The following CELF2 variants were observed in gnomAD, a reference collection of about 807,000 sequenced individuals.
CELF2 encodes the protein CUGBP Elav-like family member 2.
CELF2 carries 8 observed loss-of-function variants against 62.6 expected under a neutral mutation model. The observed-to-expected ratio is 0.13, with a 90% CI of 0.07 to 0.23. The LOEUF (loss-of-function observed/expected upper bound fraction) is 0.23, where lower values mean the gene tolerates loss of function less well. Among genes scored for constraint, CELF2 ranks in the 10% least tolerant of loss-of-function variants. The pLI, the probability that CELF2 is intolerant of heterozygous loss-of-function variation, is 1.00. For missense variants in CELF2, 333 were observed against 671.0 expected (o/e 0.50, Z 5.56); for synonymous variants, 258 against 250.0 (o/e 1.03, Z -0.30).
At chr10:10,688,523 A>G in the CELF2 span, among the ~76,000 whole-genome samples, 5 of 152,340 alleles carry the variant, frequency 3.3e-5, no homozygotes, top group African/African-American at 1.2e-4. Context: ...CCAATTGAAT[A>G]GCTGATGCAT....
intron 1 of CELF2, among the ~76,000 whole-genome samples, chr10:11,153,713 G>A (rs1345348427): frequency 6.6e-6 from 1 of 152,202 alleles, no homozygotes; most frequent in African/African-American, 2.4e-5. Context: ...GATCTTATTT[G>A]GATCCAAGAA....
chr10:11,143,350 C>T (rs115013626), intron 1 of CELF2, among the ~76,000 whole-genome samples: 1,777 of 152,260 alleles, frequency 0.012, 29 homozygotes, highest in African/African-American at 0.04. Flanking sequence ...CCTTGAAATG[C>T]TAGAGACTTG....
the CELF2 span, among the ~76,000 whole-genome samples, chr10:10,509,860 G>C: frequency 2.0e-5 from 3 of 152,192 alleles, no homozygotes; most frequent in Non-Finnish European, 4.4e-5. Context: ...GGACTCAAAG[G>C]ATTAGGTGTT....
chr10:10,629,620 G>A, the CELF2 span, among the ~76,000 whole-genome samples: 5 of 151,820 alleles, frequency 3.3e-5, no homozygotes, highest in South Asian at 2.1e-4. Context: ...TTCTTTTTGG[G>A]TTACATAAAC....
At chr10:10,721,041 C>G in the CELF2 span, among the ~76,000 whole-genome samples, 1 of 152,228 alleles carries the variant, frequency 6.6e-6, no homozygotes, top group Non-Finnish European at 1.5e-5. Context: ...ATGTTTTAGT[C>G]AATTTGGTGT....
chr10:11,286,576 C>T (rs2091367246), intron 8 of CELF2, among the ~76,000 whole-genome samples: 1 of 152,212 alleles, frequency 6.6e-6, no homozygotes, highest in South Asian at 2.1e-4. Flanking sequence ...TGTTGGTCTG[C>T]AGTAGGGCCA....
intron 1 of CELF2, among the ~76,000 whole-genome samples, chr10:10,834,004 C>T (rs2058078652): frequency 6.6e-6 from 1 of 152,206 alleles, no homozygotes; most frequent in Non-Finnish European, 1.5e-5. Context: ...CATAAAGACA[C>T]TTGTACATGT....
rs74115808 is a variant in CELF2, at chr10:11,260,897, A to T, written c.538+3025A>T. Among the ~76,000 whole-genome samples, 2 of 152,144 alleles carry T rather than the reference A, an allele frequency of 1.3e-5. No individual in the cohort carries two copies. Among genetic ancestry groups the T allele is most frequent in the Non-Finnish European group, 2.9e-5 (2 of 68,024 alleles). On this transcript the variant is annotated intron_variant, in intron 5 of 12. Transcript: ENST00000633077. This position sits in a 1 kb window ranked among gnomAD's most constrained non-coding sequence, Gnocchi z 4.2. The stretch of plus-strand genomic sequence containing the variant: ...TCTTTCATGCTACCATTTTGCTTTC[A>T]TTAAAGAATTGCAGTTTTGAATCAA...
chr10:10,848,244 G>C (rs989797781), intron 1 of CELF2, among the ~76,000 whole-genome samples: 1 of 152,126 alleles, frequency 6.6e-6, no homozygotes, highest in East Asian at 1.9e-4. Context: ...AAAATCATGT[G>C]GTCTTGAATA....
In CELF2 at chr10:11,305,324, C is replaced by CATT. The variant is rs2094118744; in HGVS notation, c.977-8814_977-8812dup. ...TGCTGTATCCCTAAGTGGCAAAGGC[C>CATT]ATTGGCCTCCTTGTGGAGTCCTCAT... On this transcript the variant is annotated intron_variant, in intron 9 of 12. Coordinates refer to ENST00000633077, the MANE Select transcript of CELF2 (RefSeq NM_001326342.2). The surrounding 1 kb of genome is among the most constrained non-coding windows in gnomAD (Gnocchi z 4.8). Among the ~76,000 whole-genome samples the CATT allele has an allele frequency of 6.6e-6, 1 of 152,242 alleles. No homozygotes were observed. Among genetic ancestry groups the CATT allele is most frequent in the African/African-American group, 2.4e-5 (1 of 41,462 alleles).
chr10:10,780,207 T>C, the CELF2 span, among the ~76,000 whole-genome samples: 2 of 152,228 alleles, frequency 1.3e-5, no homozygotes, highest in Non-Finnish European at 2.9e-5. Flanking sequence ...TCTGGTTGTT[T>C]TGTGTTGTTT....
chr10:10,823,480 C>T (rs142565963), intron 1 of CELF2, among the ~76,000 whole-genome samples: 1 of 152,234 alleles, frequency 6.6e-6, no homozygotes, highest in Non-Finnish European at 1.5e-5. Flanking sequence ...CTCAAACTGG[C>T]ATACAATGCT....
At position 10,934,177 on chromosome 10, in the gene CELF2, T is replaced by C. The variant is rs892843503; in HGVS notation, c.89+14178T>C. On this transcript the variant is annotated intron_variant, in intron 2 of 13. Transcript: ENST00000636488. The surrounding 1 kb of genome is among the most constrained non-coding windows in gnomAD (Gnocchi z 4.4). ...TACCTTATTGTGATTTGCTTTGTTTTGTTTTCAATACCAGTAGGGGCATTG... is the reference window on the plus strand; with the variant it reads ...TACCTTATTGTGATTTGCTTTGTTTCGTTTTCAATACCAGTAGGGGCATTG... 4.6e-5 allele frequency among the ~76,000 whole-genome samples: 7 copies of C among 152,232 alleles called. No individual in the cohort carries two copies. The highest frequency in any genetic ancestry group is 1.7e-4 in the African/African-American group (7 of 41,462).
chr10:10,911,572 A>C, intron 1 of CELF2, among the ~76,000 whole-genome samples: 1 of 152,136 alleles, frequency 6.6e-6, no homozygotes, highest in Non-Finnish European at 1.5e-5. Flanking sequence ...TGCATTCCTG[A>C]GTATTGACTA....
the CELF2 span, among the ~76,000 whole-genome samples, chr10:10,693,854 G>C: frequency 6.6e-6 from 1 of 150,784 alleles, no homozygotes; most frequent in East Asian, 1.9e-4. Flanking sequence ...GATCAGTAGT[G>C]ATATCCCCTT....
At chr10:10,655,240 A>C in the CELF2 span, among the ~76,000 whole-genome samples, 3 of 142,382 alleles carry the variant, frequency 2.1e-5, no homozygotes, top group Admixed American at 7.2e-5. Context: ...AAATGGAAGA[A>C]CATTCCATGC....
chr10:10,929,279 T>C (rs1407858693), intron 2 of CELF2, among the ~76,000 whole-genome samples: 1 of 152,218 alleles, frequency 6.6e-6, no homozygotes, highest in Non-Finnish European at 1.5e-5. Flanking sequence ...CTTAAGTTAT[T>C]ATGTTATTAT....
At chr10:10,680,593 C>T in the CELF2 span, among the ~76,000 whole-genome samples, 1 of 152,238 alleles carries the variant, frequency 6.6e-6, no homozygotes, top group Non-Finnish European at 1.5e-5. Context: ...GTTACATAAA[C>T]ACGTTGACTA....
chr10:11,320,170 AAGTT>A (rs2140931054), intron 10 of CELF2, among the ~76,000 whole-genome samples: 1 of 152,272 alleles, frequency 6.6e-6, no homozygotes, highest in African/African-American at 2.4e-5. Context: ...GTTGATATGA[AAGTT>A]AGCACTCTAT....
Sources: allele counts gnomAD v4.1 joint callset (sites outside exome capture counted in the v4.1 genomes callset), GRCh38; gene constraint gnomAD v4.1.1; non-coding constraint Gnocchi (gnomAD v3.1); transcripts MANE v1.5; gene names NCBI Gene and HGNC (gene_info 2026-07-23, HGNC 2026-07-21).